B4GALT1: variants seen among roughly 807,000 people sequenced by gnomAD.
B4GALT1 encodes beta-1,4-galactosyltransferase 1.
B4GALT1 carries 16 observed loss-of-function variants against 34.9 expected under a neutral mutation model. That is an observed-to-expected ratio of 0.46 (90% confidence interval 0.31 to 0.70). The LOEUF is 0.70. Among genes scored for constraint, B4GALT1 ranks in the 30% least tolerant of loss-of-function variants. B4GALT1 has a pLI of 0.05. For missense variants in B4GALT1, 445 were observed against 530.5 expected, an observed-to-expected ratio of 0.84 and a Z score of 1.58; for synonymous variants, 221 against 218.1, an observed-to-expected ratio of 1.01 and a Z score of -0.12.
chr9:33,112,641 ATGACT>A lies in B4GALT1; in HGVS notation c.*808_*812del. On this transcript the variant is annotated 3_prime_UTR_variant, in exon 6 of 6. Coordinates refer to ENST00000379731, the MANE Select transcript of B4GALT1 (RefSeq NM_001497.4). ...AGCATGCCAAGAAAAATAAATTGTC[ATGACT>A]TAACATTAAACAGCTATGCAAATTT... The A allele has an allele frequency of 6.5e-6, 1 of 152,798 alleles. No individual in the cohort carries two copies. Among genetic ancestry groups the A allele is most frequent in the Middle Eastern group, 3.4e-3 (1 of 294 alleles). 9.5% of individuals were successfully genotyped at this position (152,798 alleles called of 1,614,324 possible). A position where few individuals can be genotyped will look rare whatever the true frequency, so the allele number is the denominator to read the frequency against.
chr9:33,117,608 CTT>C (rs1164051619), intron 3 of B4GALT1, among the ~76,000 whole-genome samples: 2 of 152,200 alleles, frequency 1.3e-5, no homozygotes, highest in Admixed American at 1.3e-4. Flanking sequence ...CTAACTCAGA[CTT>C]TGAGGGGGAA....
At chr9:33,159,138 A>AT (rs1404967516) in intron 1 of B4GALT1, among the ~76,000 whole-genome samples, 2 of 151,840 alleles carry the variant, frequency 1.3e-5, no homozygotes, top group Non-Finnish European at 2.9e-5. Context: ...TTTGTTGTTG[A>AT]TTTTTTTCAA....
the B4GALT1 span, among the ~76,000 whole-genome samples, chr9:33,177,986 CTTTTTT>C: frequency 1.9e-5 from 2 of 107,474 alleles, no homozygotes; most frequent in Admixed American, 1.1e-4. Flanking sequence ...AAACAGAAGA[CTTTTTT>C]TTTTTTTTTT....
At chr9:33,163,686 C>T (rs531249137) in intron 1 of B4GALT1, among the ~76,000 whole-genome samples, 1 of 152,230 alleles carries the variant, frequency 6.6e-6, no homozygotes, top group Non-Finnish European at 1.5e-5. Context: ...AAGCCCAAGG[C>T]CACTGTTCCT....
At chr9:33,130,693 G>A (rs1840182033) in intron 2 of B4GALT1, among the ~76,000 whole-genome samples, 1 of 151,610 alleles carries the variant, frequency 6.6e-6, no homozygotes. Context: ...AGCTTGATAC[G>A]TGGCCCTATT....
chr9:33,157,063 T>TAACACACACACACACACACACAC (rs1840603426), intron 1 of B4GALT1, among the ~76,000 whole-genome samples: 1 of 87,280 alleles, frequency 1.1e-5, no homozygotes, highest in Non-Finnish European at 2.0e-5. Flanking sequence ...CATAGGGAAC[T>TAACACACACACACACACACACAC]ACACACACAC....
chr9:33,117,920 A>G lies in B4GALT1; in HGVS notation c.837-1807T>C, dbSNP rs1162259207. ...TCTTAGCTATTTCAGAGGGAAGTAC[A>G]TGCCAAGCTGACATGATTTGGTTTT... is the stretch of plus-strand genomic sequence containing the variant. On this transcript the variant is annotated intron_variant, in intron 3 of 5. Coordinates refer to ENST00000379731, the MANE Select transcript of B4GALT1 (RefSeq NM_001497.4). Among the ~76,000 whole-genome samples, 10 of 152,374 alleles carry G rather than the reference A, an allele frequency of 6.6e-5. No individual in the cohort carries two copies. The East Asian group carries it at 1.7e-3, about 26-fold the overall frequency.
At chr9:33,184,692 T>C in the B4GALT1 span, among the ~76,000 whole-genome samples, 4 of 152,306 alleles carry the variant, frequency 2.6e-5, no homozygotes, top group Middle Eastern at 3.4e-3. Flanking sequence ...GCAATACCAA[T>C]GCTGCTGATC....
chr9:33,165,615 G>C (rs1840739285), intron 1 of B4GALT1, among the ~76,000 whole-genome samples: 1 of 152,180 alleles, frequency 6.6e-6, no homozygotes, highest in Admixed American at 6.5e-5. Flanking sequence ...TAGTAGCCAG[G>C]GCTCTGTGGG....
intron 2 of B4GALT1, among the ~76,000 whole-genome samples, chr9:33,132,233 G>A (rs1840203817): frequency 6.6e-6 from 1 of 152,106 alleles, no homozygotes; most frequent in East Asian, 1.9e-4. Flanking sequence ...GGGAAGAGGA[G>A]GGAGGGAGGG....
upstream of B4GALT1, among the ~76,000 whole-genome samples, chr9:33,170,880 G>T (rs1422103839): frequency 6.6e-6 from 1 of 152,182 alleles, no homozygotes; most frequent in Admixed American, 6.5e-5. Flanking sequence ...CCCATCCGGC[G>T]AGACAAATGC....
At chr9:33,142,111 T>C (rs932749772) in intron 1 of B4GALT1, among the ~76,000 whole-genome samples, 1 of 151,892 alleles carries the variant, frequency 6.6e-6, no homozygotes, top group Non-Finnish European at 1.5e-5. Context: ...GCCTCCCGAG[T>C]AGCTGGGACT....
intron 1 of B4GALT1, among the ~76,000 whole-genome samples, chr9:33,143,523 A>G (rs1330906848): frequency 1.3e-5 from 2 of 152,252 alleles, no homozygotes; most frequent in African/African-American, 4.8e-5. Context: ...GCAGTGCAAG[A>G]AGAATCATCT....
intron 1 of B4GALT1, among the ~76,000 whole-genome samples, chr9:33,136,896 C>G (rs886206163): frequency 5.3e-5 from 8 of 152,174 alleles, no homozygotes; most frequent in East Asian, 3.9e-4. Context: ...CTCCAAGCAC[C>G]CCCTACTCCC....
intron 1 of B4GALT1, among the ~76,000 whole-genome samples, chr9:33,154,499 A>G (rs1230495008): frequency 6.6e-6 from 1 of 152,212 alleles, no homozygotes; most frequent in Non-Finnish European, 1.5e-5. Context: ...TTAGGCAAGA[A>G]AAAGAGCTGC....
chr9:33,121,368 ATTTT>A (rs1840017951), intron 2 of B4GALT1, among the ~76,000 whole-genome samples: 1 of 151,934 alleles, frequency 6.6e-6, no homozygotes, highest in Admixed American at 6.6e-5. Flanking sequence ...TTTTATTTTT[ATTTT>A]TTATTTTTGA....
intron 1 of B4GALT1, among the ~76,000 whole-genome samples, chr9:33,137,953 C>T (rs1052963398): frequency 6.6e-6 from 1 of 152,228 alleles, no homozygotes; most frequent in Non-Finnish European, 1.5e-5. Context: ...GGGCTCTTTT[C>T]ACTTCAGAGG....
chr9:33,113,244 C>G lies in B4GALT1; in HGVS notation c.*210G>C. ...CAAGAAACCCGCAAAGGCATAAACACCTTGCAGAGCTAAGAATTCACATGC... is the reference window on the plus strand; with the variant it reads ...CAAGAAACCCGCAAAGGCATAAACAGCTTGCAGAGCTAAGAATTCACATGC... On this transcript the variant is annotated 3_prime_UTR_variant, in exon 6 of 6. Transcript: ENST00000379731. 1.5e-6 allele frequency: 1 copy of G among 670,058 alleles called. No homozygotes were observed. The highest frequency in any genetic ancestry group is 2.6e-6 in the Non-Finnish European group (1 of 381,660). The allele number at this position is 670,058 out of a possible 1,614,324, so 41.5% of individuals were successfully genotyped here.
downstream of B4GALT1, among the ~76,000 whole-genome samples, chr9:33,110,151 C>A (rs1472678222): frequency 1.3e-5 from 2 of 152,230 alleles, no homozygotes; most frequent in East Asian, 3.9e-4. Flanking sequence ...CAGCCTGACC[C>A]AGGGCCACCA....
Sources: allele counts gnomAD v4.1 joint callset (sites outside exome capture counted in the v4.1 genomes callset), GRCh38; gene constraint gnomAD v4.1.1; transcripts MANE v1.5; gene names NCBI Gene and HGNC (gene_info 2026-07-23, HGNC 2026-07-21).